The following PTPRO variants were observed in gnomAD, a reference collection of about 807,000 sequenced individuals.
The protein encoded by PTPRO is receptor-type tyrosine-protein phosphatase O.
Under a neutral mutation model 145.2 loss-of-function variants are expected in PTPRO, and 62 were observed. The observed-to-expected ratio is 0.43, with a 90% CI of 0.35 to 0.53. The LOEUF (loss-of-function observed/expected upper bound fraction) is 0.53, where lower values mean the gene tolerates loss of function less well. PTPRO is among the 20% of genes least tolerant of loss of function. The pLI is 0.01. For synonymous variants in PTPRO, 565 were observed against 514.7 expected (o/e 1.10, Z -1.32); for missense variants, 1,345 against 1,482.7 (o/e 0.91, Z 1.53).
chr12:15,574,944 A>G (rs73296100), intron 19 of PTPRO, among the ~76,000 whole-genome samples: 6,597 of 152,218 alleles, frequency 0.043, 435 homozygotes, highest in African/African-American at 0.15. Flanking sequence ...ATTGCAGGTT[A>G]TGGGCTGAAT....
At position 15,409,709 on chromosome 12, in the gene PTPRO, C is replaced by T. The variant is rs537695382; in HGVS notation, c.76-74265C>T. On this transcript the variant is annotated intron_variant, in intron 1 of 26. Transcript: ENST00000281171. ...AGGGGAAGCAGAAGCTTACATGTCA[C>T]TTGGCGAGAGCAGGTGCAAGTGAGT... Among the ~76,000 whole-genome samples the T allele has an allele frequency of 3.3e-5, 5 of 151,810 alleles. No individual in the cohort carries two copies. The South Asian group carries it at 1.0e-3, about 31-fold the overall frequency.
intron 1 of PTPRO, among the ~76,000 whole-genome samples, chr12:15,402,401 A>G (rs1939521878): frequency 6.6e-6 from 1 of 152,014 alleles, no homozygotes; most frequent in South Asian, 2.1e-4. Context: ...AAAAAAAAAA[A>G]GAAAACCCAA....
At chr12:15,493,901 G>A (rs1942049920) in intron 2 of PTPRO, among the ~76,000 whole-genome samples, 2 of 152,226 alleles carry the variant, frequency 1.3e-5, no homozygotes, top group South Asian at 4.1e-4. Context: ...ATATTGTGTA[G>A]GTTATATAGT....
At chr12:15,589,865 G>A (rs1944510533) in intron 25 of PTPRO, among the ~76,000 whole-genome samples, 1 of 152,200 alleles carries the variant, frequency 6.6e-6, no homozygotes, top group African/African-American at 2.4e-5. Context: ...AACAGACTCA[G>A]AGTCAATTGC....
At chr12:15,358,467 A>C (rs1219635897) in intron 1 of PTPRO, among the ~76,000 whole-genome samples, 2 of 151,752 alleles carry the variant, frequency 1.3e-5, no homozygotes, top group Non-Finnish European at 2.9e-5. Flanking sequence ...TTCCATCCCT[A>C]CTCCTACCTA....
At chr12:15,446,460 C>A (rs1940905435) in intron 1 of PTPRO, among the ~76,000 whole-genome samples, 1 of 151,986 alleles carries the variant, frequency 6.6e-6, no homozygotes, top group African/African-American at 2.4e-5. Context: ...TCATTCCGTT[C>A]TTCCTTATTT....
intron 1 of PTPRO, among the ~76,000 whole-genome samples, chr12:15,459,664 G>T (rs1419316533): frequency 1.3e-5 from 2 of 152,196 alleles, no homozygotes; most frequent in Non-Finnish European, 2.9e-5. Flanking sequence ...TGGGAACGAA[G>T]ATCCAAGTCT....
At chr12:15,591,095 G>A (rs570699715) in intron 25 of PTPRO, among the ~76,000 whole-genome samples, 2 of 152,246 alleles carry the variant, frequency 1.3e-5, no homozygotes, top group South Asian at 2.1e-4. Flanking sequence ...GGGGCCTGGC[G>A]TAGTGGCTCA....
intron 11 of PTPRO, 64 bp from the exon 12 acceptor site, chr12:15,526,078 G>C: frequency 6.2e-7 from 1 of 1,604,148 alleles, no homozygotes; most frequent in Non-Finnish European, 8.5e-7. Flanking sequence ...TCCTTTAGTT[G>C]TTTGGGGTGG....
At chr12:15,577,115 A>G (rs1944203592) in intron 19 of PTPRO, among the ~76,000 whole-genome samples, 1 of 152,246 alleles carries the variant, frequency 6.6e-6, no homozygotes, top group Non-Finnish European at 1.5e-5. Context: ...TATATTTGGC[A>G]AGTAAGTGCC....
chr12:15,568,103 TA>T (rs1943947699), intron 18 of PTPRO, among the ~76,000 whole-genome samples: 1 of 152,180 alleles, frequency 6.6e-6, no homozygotes, highest in Non-Finnish European at 1.5e-5. Context: ...AAATGAGCAT[TA>T]TTAAATACTA....
At chr12:15,384,179 G>T (rs922533141) in intron 1 of PTPRO, among the ~76,000 whole-genome samples, 1 of 152,130 alleles carries the variant, frequency 6.6e-6, no homozygotes, top group Non-Finnish European at 1.5e-5. Flanking sequence ...CTTGGCCAAG[G>T]GGGAGGAGGT....
At chr12:15,351,831 C>A (rs1187450317) in intron 1 of PTPRO, among the ~76,000 whole-genome samples, 1 of 152,076 alleles carries the variant, frequency 6.6e-6, no homozygotes, top group Non-Finnish European at 1.5e-5. Flanking sequence ...ATTTTCTCTG[C>A]CAAAATGTAT....
intron 1 of PTPRO, among the ~76,000 whole-genome samples, chr12:15,408,806 A>G (rs1388121137): frequency 6.6e-6 from 1 of 152,166 alleles, no homozygotes; most frequent in Non-Finnish European, 1.5e-5. Context: ...TCCCATTTTA[A>G]AAGTGATATA....
At chr12:15,577,403 G>A (rs548468473) in intron 19 of PTPRO, among the ~76,000 whole-genome samples, 9 of 152,322 alleles carry the variant, frequency 5.9e-5, no homozygotes, top group African/African-American at 2.2e-4. Flanking sequence ...GATTAATAAA[G>A]CATGTGCTTT....
intron 6 of PTPRO, among the ~76,000 whole-genome samples, chr12:15,507,450 T>TAAATAAATAAAG (rs141407524): frequency 1.3e-5 from 2 of 148,182 alleles, no homozygotes; most frequent in African/African-American, 5.0e-5. Context: ...AATAAATAAA[T>TAAATAAATAAAG]AAGGAATGAA....
intron 1 of PTPRO, among the ~76,000 whole-genome samples, chr12:15,345,084 A>G (rs1867152163): frequency 6.6e-6 from 1 of 152,200 alleles, no homozygotes; most frequent in Non-Finnish European, 1.5e-5. Flanking sequence ...TACACTTTAC[A>G]GAGAGATTCC....
At position 15,484,256 on chromosome 12, in the gene PTPRO, C is replaced by T. The variant is rs1401098131; in HGVS notation, c.349+9C>T. On this transcript the variant is annotated intron_variant, in intron 2 of 26. Transcript: ENST00000281171. ...AATCACTGTGTTAACAAGTAAGCAT[C>T]ATGTGTAATATTGTCCCGTTTCTTC... 2 of 1,612,944 alleles carry T rather than the reference C, an allele frequency of 1.2e-6. No homozygotes were observed. Among genetic ancestry groups the T allele is most frequent in the Admixed American group, 1.7e-5 (1 of 59,882 alleles).
chr12:15,568,901 T>C (rs1293811071), intron 18 of PTPRO, among the ~76,000 whole-genome samples: 2 of 152,236 alleles, frequency 1.3e-5, no homozygotes, highest in Non-Finnish European at 2.9e-5. Flanking sequence ...CAATTCCTTA[T>C]ACTTGTAAAG....
Sources: gnomAD v4.1 joint callset for allele counts (sites outside exome capture counted in the v4.1 genomes callset) on GRCh38, gnomAD v4.1.1 for gene constraint, MANE v1.5 for transcripts, NCBI Gene and HGNC (gene_info 2026-07-23, HGNC 2026-07-21) for gene names.